NKAIN3: variants seen among roughly 807,000 people sequenced by gnomAD.
The protein encoded by NKAIN3 is sodium/potassium transporting ATPase interacting 3.
Under a neutral mutation model 30.2 loss-of-function variants are expected in NKAIN3, and 25 were observed. The observed-to-expected ratio is 0.83, with a 90% confidence interval of 0.60 to 1.16. The LOEUF (loss-of-function observed/expected upper bound fraction) is 1.16, where lower values mean the gene tolerates loss of function less well. Ranked by LOEUF, NKAIN3 falls within the 50% of genes most tolerant of loss-of-function variation. The pLI is 0.00. For missense variants in NKAIN3, 225 were observed against 254.1 expected (o/e 0.89, Z 0.78); for synonymous variants, 91 against 89.6 (o/e 1.02, Z -0.09).
At chr8:62,565,451 A>C (rs1377767966) in intron 1 of NKAIN3, among the ~76,000 whole-genome samples, 1 of 152,070 alleles carries the variant, frequency 6.6e-6, no homozygotes, top group African/African-American at 2.4e-5. Context: ...CCAAAACAAC[A>C]ACTAAAGTTT....
At chr8:62,263,293 G>C (rs368500285) in intron 1 of NKAIN3, among the ~76,000 whole-genome samples, 1 of 151,964 alleles carries the variant, frequency 6.6e-6, no homozygotes, top group African/African-American at 2.4e-5. Flanking sequence ...GTAGTCAAAG[G>C]TCTTATAAAA....
intron 1 of NKAIN3, among the ~76,000 whole-genome samples, chr8:62,540,260 C>A (rs1309877769): frequency 6.6e-6 from 1 of 152,140 alleles, no homozygotes; most frequent in Admixed American, 6.5e-5. Context: ...TAGCTTTATA[C>A]AATTCACTAG....
At chr8:62,772,175 T>A (rs28871123) in intron 4 of NKAIN3, among the ~76,000 whole-genome samples, 5 of 152,216 alleles carry the variant, frequency 3.3e-5, no homozygotes, top group African/African-American at 1.2e-4. Context: ...TGTCTTCCTG[T>A]GCCTGGCTTG....
Position 62,356,814 on chromosome 8 carries a change from T to C in NKAIN3, c.54+107687T>C, listed in dbSNP as rs556133404. Among the ~76,000 whole-genome samples the C allele has an allele frequency of 2.0e-5, 3 of 152,262 alleles. No homozygotes were observed. The East Asian group carries it at 5.8e-4, about 29-fold the overall frequency. ...CCAAGTTCTATAAAGAAATCTCCTC[T>C]TAATAAGTAATTCCAGGCCAGGCAC... On this transcript the variant is annotated intron_variant, in intron 1 of 6. Transcript: ENST00000623646.
chr8:62,865,172 T>G (rs1169440342), intron 4 of NKAIN3, among the ~76,000 whole-genome samples: 1 of 152,204 alleles, frequency 6.6e-6, no homozygotes, highest in Non-Finnish European at 1.5e-5. Flanking sequence ...CCTTTTGATG[T>G]ACTTGTGGAG....
At chr8:62,573,740 T>G in intron 1 of NKAIN3, among the ~76,000 whole-genome samples, 1 of 152,134 alleles carries the variant, frequency 6.6e-6, no homozygotes, top group South Asian at 2.1e-4. Context: ...AAGCTTTTAA[T>G]TTTTAATTTT....
At chr8:62,310,747 G>T (rs940284799) in intron 1 of NKAIN3, among the ~76,000 whole-genome samples, 2 of 150,268 alleles carry the variant, frequency 1.3e-5, no homozygotes, top group Non-Finnish European at 2.9e-5. Flanking sequence ...CCCAGCCCGA[G>T]TGTGTACTCA....
intron 4 of NKAIN3, among the ~76,000 whole-genome samples, chr8:62,789,634 C>A (rs1013189716): frequency 1.3e-5 from 2 of 151,994 alleles, no homozygotes; most frequent in Non-Finnish European, 2.9e-5. Flanking sequence ...GGGGATATCA[C>A]CACCAATCCC....
At chr8:62,310,149 C>T (rs1814380940) in intron 1 of NKAIN3, among the ~76,000 whole-genome samples, 1 of 150,248 alleles carries the variant, frequency 6.7e-6, no homozygotes, top group Admixed American at 6.6e-5. Flanking sequence ...TTATGAAATG[C>T]TTCAGTGTGA....
intron 1 of NKAIN3, among the ~76,000 whole-genome samples, chr8:62,457,248 T>C (rs1427581287): frequency 6.6e-6 from 1 of 152,194 alleles, no homozygotes; most frequent in East Asian, 1.9e-4. Context: ...AAGAGGGATT[T>C]TTTAATTTTA....
intron 4 of NKAIN3, among the ~76,000 whole-genome samples, chr8:62,890,396 C>A (rs1821266511): frequency 6.6e-6 from 1 of 152,170 alleles, no homozygotes; most frequent in Non-Finnish European, 1.5e-5. Flanking sequence ...AGGTACTTTC[C>A]TCATTCAAGC....
At chr8:62,344,266 T>C (rs7832296) in intron 1 of NKAIN3, among the ~76,000 whole-genome samples, 18,867 of 152,038 alleles carry the variant, frequency 0.12, 1,954 homozygotes, top group African/African-American at 0.28. Context: ...CTATTTAGAA[T>C]AGTTGATGTA....
chr8:62,444,603 T>C (rs1805426229), intron 1 of NKAIN3, among the ~76,000 whole-genome samples: 1 of 152,232 alleles, frequency 6.6e-6, no homozygotes. Flanking sequence ...ACACCACATT[T>C]TCTTTATCCA....
intron 4 of NKAIN3, among the ~76,000 whole-genome samples, chr8:62,894,846 A>C (rs1205863277): frequency 6.6e-6 from 1 of 152,162 alleles, no homozygotes; most frequent in Non-Finnish European, 1.5e-5. Flanking sequence ...TTTTATCCTT[A>C]AAGTCACCTC....
intron 3 of NKAIN3, among the ~76,000 whole-genome samples, chr8:62,706,225 T>A (rs1051284500): frequency 6.6e-6 from 1 of 152,074 alleles, no homozygotes; most frequent in African/African-American, 2.4e-5. Flanking sequence ...TGATGATGAA[T>A]CCCCATGTTG....
At chr8:62,453,410 A>G (rs962277097) in intron 1 of NKAIN3, among the ~76,000 whole-genome samples, 2 of 152,184 alleles carry the variant, frequency 1.3e-5, no homozygotes, top group African/African-American at 4.8e-5. Context: ...ATACCAGTAA[A>G]CATCCACATC....
chr8:62,470,703 C>T (rs535359639), intron 1 of NKAIN3, among the ~76,000 whole-genome samples: 5 of 151,888 alleles, frequency 3.3e-5, no homozygotes, highest in South Asian at 4.2e-4. Flanking sequence ...TAAGATGTTT[C>T]GTATATCAAA....
intron 1 of NKAIN3, among the ~76,000 whole-genome samples, chr8:62,337,858 G>C (rs1815616703): frequency 6.6e-6 from 1 of 152,042 alleles, no homozygotes; most frequent in African/African-American, 2.4e-5. Flanking sequence ...ATAAACTGAA[G>C]TGTGAAAAAC....
rs118137504 is a variant in NKAIN3 at position 62,285,470 on chromosome 8, G to C, written c.54+36343G>C. On this transcript the variant is annotated intron_variant, in intron 1 of 6. Transcript: ENST00000623646. ...AGGCTGAACCAAAAGTCAGCTTGTG[G>C]CTAGAGCAGATTATGTGGAGGAACT... Among the ~76,000 whole-genome samples, 6 of 152,260 alleles carry C rather than the reference G, an allele frequency of 3.9e-5. No individual in the cohort carries two copies. In the East Asian group the frequency reaches 1.2e-3, roughly 29 times the overall value.
Sources: allele counts gnomAD v4.1 joint callset (sites outside exome capture counted in the v4.1 genomes callset), GRCh38; gene constraint gnomAD v4.1.1; transcripts MANE v1.5; gene names NCBI Gene and HGNC (gene_info 2026-07-23, HGNC 2026-07-21).